Variants in SKIL observed in about 807,000 individuals in gnomAD.
The protein encoded by SKIL is SKI like proto-oncogene, also known as ski-like protein.
Under a neutral mutation model 69.6 loss-of-function variants are expected in SKIL, and 20 were observed. That is an observed-to-expected ratio of 0.29 (90% CI 0.20 to 0.42). The LOEUF (loss-of-function observed/expected upper bound fraction) is 0.42, where lower values mean the gene tolerates loss of function less well. Ranked by LOEUF, SKIL falls within the 10% of genes least tolerant of loss-of-function variation. The pLI, the probability that SKIL is intolerant of heterozygous loss-of-function variation, is 1.00. For missense variants in SKIL, 745 were observed against 783.1 expected (o/e 0.95, Z 0.58); for synonymous variants, 310 against 279.9 (o/e 1.11, Z -1.08).
At position 170,393,986 on chromosome 3, in the gene SKIL, A is replaced by G. The variant is rs1738056962; in HGVS notation, c.*1569A>G. On this transcript the variant is annotated 3_prime_UTR_variant, in exon 7 of 7. Transcript: ENST00000259119. ...TCCCCAAATGTAATTTATTTACTAA[A>G]TTGAGTATAACCTAAATGTGTGTTT... is the stretch of plus-strand genomic sequence containing the variant. 6.6e-6 allele frequency: 1 copy of G among 152,130 alleles called. No homozygotes were observed. Among genetic ancestry groups the G allele is most frequent in the Admixed American group, 6.6e-5 (1 of 15,258 alleles). 9.4% of individuals were successfully genotyped at this position (152,130 alleles called of 1,614,324 possible).
intron 2 of SKIL, among the ~76,000 whole-genome samples, chr3:170,379,188 C>T (rs2108211774): frequency 1.3e-5 from 2 of 152,210 alleles, no homozygotes; most frequent in Non-Finnish European, 2.9e-5. Flanking sequence ...CTATGTTGGC[C>T]AGGCTGGTCT....
rs1354410082 is a variant in SKIL, at chr3:170,395,531, A to C, written c.*3114A>C. 4 of 152,114 alleles carry C rather than the reference A, an allele frequency of 2.6e-5. No homozygotes were observed. Among genetic ancestry groups the C allele is most frequent in the Non-Finnish European group, 5.9e-5 (4 of 67,936 alleles). The allele number at this position is 152,114 out of a possible 1,614,324, so 9.4% of individuals were successfully genotyped here. A position where few individuals can be genotyped will look rare whatever the true frequency, so the allele number is the denominator to read the frequency against. ...CCATATCTTTTAGAAGTCCTGACAG[A>C]ACAACCAGTTTATTTGCACATAGGT... On this transcript the variant is annotated 3_prime_UTR_variant, in exon 7 of 7. Transcript: ENST00000259119.
intron 2 of SKIL, among the ~76,000 whole-genome samples, chr3:170,375,189 A>G (rs1736974277): frequency 6.6e-6 from 1 of 152,230 alleles, no homozygotes; most frequent in African/African-American, 2.4e-5. Context: ...GGACTATGCT[A>G]GGTGATCTTT....
chr3:170,392,509 C>T lies in SKIL; in HGVS notation c.*92C>T. The T allele has an allele frequency of 1.4e-6, 1 of 729,260 alleles. No individual in the cohort carries two copies. The highest frequency in any genetic ancestry group is 2.6e-5 in the South Asian group (1 of 38,438). 45.2% of individuals were successfully genotyped at this position (729,260 alleles called of 1,614,324 possible). A position where few individuals can be genotyped will look rare whatever the true frequency, so the allele number is the denominator to read the frequency against. On this transcript the variant is annotated 3_prime_UTR_variant, in exon 7 of 7. Transcript: ENST00000259119. ...AATTGAATTCTGAAGAATTTATCTGCATGACGATAACTAGGCATTCTATCC... is the reference window on the plus strand; with the variant it reads ...AATTGAATTCTGAAGAATTTATCTGTATGACGATAACTAGGCATTCTATCC...
chr3:170,389,705 T>C (rs1169918777), intron 4 of SKIL, among the ~76,000 whole-genome samples: 1 of 152,232 alleles, frequency 6.6e-6, no homozygotes, highest in Admixed American at 6.5e-5. Flanking sequence ...ATTTCTGGAC[T>C]CTGAATTCTG....
In SKIL at chr3:170,360,924, C is replaced by G. The variant is rs773956003; in HGVS notation, c.593C>G (p.Thr198Ser). ...CTGTACATATATTGTTCAAGGTGTA[C>G]TTCAGACCAGCTTCATATCTTAAAG... The part of the protein sequence containing the change: ...DELYIYCSRC[T>S]SDQLHILKVL... Residue 198 changes from threonine (T) to serine (S), a missense_variant, in exon 2 of 7, where the codon ACT (threonine) becomes AGT (serine). Coordinates refer to ENST00000259119, the MANE Select transcript of SKIL (RefSeq NM_005414.5). The G allele has an allele frequency of 4.5e-5, 73 of 1,614,070 alleles. 2 individuals are homozygous for G. The South Asian group carries it at 7.8e-4, about 17-fold the overall frequency.
chr3:170,367,141 C>CT (rs994642582), intron 2 of SKIL, among the ~76,000 whole-genome samples: 30 of 152,260 alleles, frequency 2.0e-4, no homozygotes, highest in African/African-American at 7.0e-4. Context: ...GAGAGTCTCG[C>CT]TCTGTTGACC....
rs1445861244 is a variant in SKIL, at chr3:170,393,936, A to G, written c.*1519A>G. On this transcript the variant is annotated 3_prime_UTR_variant, in exon 7 of 7. Transcript: ENST00000259119. The stretch of plus-strand genomic sequence containing the variant: ...TTATTTTCATATTTTGCTTAATAGT[A>G]CATATCCAAAAAGAATTTTGTACTT... 6.6e-6 allele frequency: 1 copy of G among 152,062 alleles called. No individual in the cohort carries two copies. Among genetic ancestry groups the G allele is most frequent in the East Asian group, 1.9e-4 (1 of 5,196 alleles). The allele number at this position is 152,062 out of a possible 1,614,324, so 9.4% of individuals were successfully genotyped here. A position where few individuals can be genotyped will look rare whatever the true frequency, so the allele number is the denominator to read the frequency against.
intron 2 of SKIL, among the ~76,000 whole-genome samples, chr3:170,363,964 TTTGTAGAGACAAGTCTTGCTCTGTC>T (rs1277363865): frequency 6.6e-6 from 1 of 152,204 alleles, no homozygotes; most frequent in East Asian, 1.9e-4. Context: ...TACTTTTTTT[TTTGTAGAGACAAGTCTTGCTCTGTC>T]GCCGAGGCTG....
At chr3:170,372,611 T>A (rs1178739415) in intron 2 of SKIL, among the ~76,000 whole-genome samples, 2 of 152,230 alleles carry the variant, frequency 1.3e-5, no homozygotes, top group Non-Finnish European at 2.9e-5. Flanking sequence ...GATAGTGTAC[T>A]GAGGGATTCT....
chr3:170,394,310 T>C lies in SKIL; in HGVS notation c.*1893T>C, dbSNP rs1173166289. 1 of 151,846 alleles carries C rather than the reference T, an allele frequency of 6.6e-6. No individual in the cohort carries two copies. Among genetic ancestry groups the C allele is most frequent in the African/African-American group, 2.4e-5 (1 of 41,318 alleles). The allele number at this position is 151,846 out of a possible 1,614,324, so 9.4% of individuals were successfully genotyped here. A position where few individuals can be genotyped will look rare whatever the true frequency, so the allele number is the denominator to read the frequency against. On this transcript the variant is annotated 3_prime_UTR_variant, in exon 7 of 7. Transcript: ENST00000259119. ...CCCGGCTAATTTTTAGAAACAAATA[T>C]TTAAAATGACATATTCTCCCAATAC...
At chr3:170,387,759 T>TAAAAAAAAAC (rs1553855543) in intron 4 of SKIL, among the ~76,000 whole-genome samples, 12 of 57,692 alleles carry the variant, frequency 2.1e-4, no homozygotes, top group Admixed American at 1.6e-3. Context: ...CCGTCTCTAC[T>TAAAAAAAAAC]AAAAAAAAAA....
At chr3:170,391,325 T>C in intron 6 of SKIL, 65 bp downstream of exon 6, 1 of 259,094 alleles carries the variant, frequency 3.9e-6, no homozygotes. Context: ...TACTTCTCTC[T>C]TTTTTTTTTT....
intron 2 of SKIL, among the ~76,000 whole-genome samples, chr3:170,371,209 A>C (rs569436279): frequency 1.3e-5 from 2 of 152,302 alleles, no homozygotes; most frequent in South Asian, 4.1e-4. Flanking sequence ...GTATTAATAA[A>C]GGAGTAGTAG....
intron 2 of SKIL, among the ~76,000 whole-genome samples, chr3:170,362,096 A>G (rs1368628900): frequency 5.3e-5 from 8 of 152,244 alleles, no homozygotes; most frequent in Admixed American, 1.3e-4. Context: ...GGCTTGCTCA[A>G]TATTTGAAAC....
At position 170,360,487 on chromosome 3, in the gene SKIL, A is replaced by G. The variant is rs548396114; in HGVS notation, c.156A>G (p.Glu52=). The change falls in exon 2 of 7, where the codon GAA becomes GAG. Residue 52 remains glutamate, a synonymous_variant. Transcript: ENST00000259119. ...ACAAGGTGCCAACAGTTAAGAAGGA[A>G]CACTTGGATGACTATGGAGAAGCAC... is the stretch of plus-strand genomic sequence containing the variant. ...TINKVPTVKK[E]HLDDYGEAPV... is the part of the protein sequence containing the mutation. 3.1e-6 allele frequency: 5 copies of G among 1,614,124 alleles called. No homozygotes were observed. The highest frequency in any genetic ancestry group is 1.3e-5 in the African/African-American group (1 of 75,066).
At chr3:170,359,265 G>A (rs1364244265) in intron 1 of SKIL, among the ~76,000 whole-genome samples, 1 of 152,210 alleles carries the variant, frequency 6.6e-6, no homozygotes, top group Non-Finnish European at 1.5e-5. Flanking sequence ...AATCACTCAA[G>A]CTTCACCTTG....
At chr3:170,361,597 A>G (rs1022437167) in intron 2 of SKIL, among the ~76,000 whole-genome samples, 168 bp downstream of exon 2, 1 of 152,360 alleles carries the variant, frequency 6.6e-6, no homozygotes, top group Middle Eastern at 3.4e-3. Flanking sequence ...AGTGCTTTGC[A>G]GTATGTTTCC....
chr3:170,386,125 T>TTGTG (rs1340650885), intron 4 of SKIL, among the ~76,000 whole-genome samples: 1 of 149,352 alleles, frequency 6.7e-6, no homozygotes, highest in East Asian at 2.0e-4. Context: ...TCTGGTTTTT[T>TTGTG]TGTTTGTTTG....
Sources: gnomAD v4.1 joint callset for allele counts (sites outside exome capture counted in the v4.1 genomes callset) on GRCh38, gnomAD v4.1.1 for gene constraint, MANE v1.5 for transcripts, NCBI Gene and HGNC (gene_info 2026-07-23, HGNC 2026-07-21) for gene names.